Variants in FUCA1 observed in about 807,000 individuals in gnomAD.
FUCA1 encodes alpha-L-fucosidase 1, also known as tissue alpha-L-fucosidase.
FUCA1 carries 52 observed loss-of-function variants against 56.8 expected under a neutral mutation model. The observed-to-expected ratio is 0.92, with a 90% confidence interval of 0.73 to 1.15. The LOEUF (loss-of-function observed/expected upper bound fraction) is 1.15, where lower values mean the gene tolerates loss of function less well. Ranked by LOEUF, FUCA1 falls within the 50% of genes most tolerant of loss-of-function variation. FUCA1 has a pLI of 0.00. For missense variants in FUCA1, 568 were observed against 592.6 expected (o/e 0.96, Z 0.43); for synonymous variants, 230 against 226.6 (o/e 1.02, Z -0.14).
chr1:23,849,057 C>T (rs773553473), intron 5 of FUCA1, among the ~76,000 whole-genome samples: 6 of 151,836 alleles, frequency 4.0e-5, no homozygotes, highest in Admixed American at 6.6e-5. Flanking sequence ...CATCTCGGCT[C>T]ACTGCAACCT....
chr1:23,860,654 T>G (rs1220320972), intron 3 of FUCA1, among the ~76,000 whole-genome samples: 1 of 151,556 alleles, frequency 6.6e-6, no homozygotes, highest in Non-Finnish European at 1.5e-5. Context: ...TTCCTTTTTT[T>G]TTTTGAGACT....
chr1:23,858,456 T>C (rs1639438961), intron 4 of FUCA1, among the ~76,000 whole-genome samples: 1 of 152,174 alleles, frequency 6.6e-6, no homozygotes, highest in African/African-American at 2.4e-5. Flanking sequence ...ACAACAAATC[T>C]AGAACATGTA....
In FUCA1 at chr1:23,846,821, A is replaced by G. The variant is rs1235318807; in HGVS notation, c.1161-648T>C. ...GGTCTTGAACTCCTGACCTCAGGTG[A>G]TCCACCCGCCTCGGCCTCCCAAAGT... On this transcript the variant is annotated intron_variant, in intron 6 of 7. Coordinates refer to ENST00000374479, the MANE Select transcript of FUCA1 (RefSeq NM_000147.5). 2.0e-5 allele frequency among the ~76,000 whole-genome samples: 3 copies of G among 152,196 alleles called. No individual in the cohort carries two copies. The East Asian group carries it at 5.8e-4, about 29-fold the overall frequency.
Position 23,859,785 on chromosome 1 carries a change from T to C in FUCA1, c.768+13A>G, listed in dbSNP as rs1467143806. The C allele has an allele frequency of 6.5e-7, 1 of 1,539,316 alleles. No homozygotes were observed. Among genetic ancestry groups the C allele is most frequent in the Admixed American group, 1.7e-5 (1 of 59,898 alleles). On this transcript the variant is annotated intron_variant, in intron 4 of 7. Transcript: ENST00000374479. ...TTCATAGGAGATAAATAAGAAGTCA[T>C]ATAATCACATACCTTGACAGGGCTG...
Position 23,854,418 on chromosome 1 carries a change from C to T in FUCA1, c.911G>A (p.Trp304Ter). The change falls in exon 5 of 8, where the codon TGG becomes TAG. Residue 304 changes from tryptophan (W) to a stop codon, truncating the protein, a stop_gained. Coordinates refer to ENST00000374479, the MANE Select transcript of FUCA1 (RefSeq NM_000147.5). LOFTEE classifies it high-confidence loss of function. ...CAATGCCATGTCACGACGATAGCCC[C>T]AGGAAAACTTGTCAATGCTGGTGCA... ...EMCTSIDKFS[W>*]GYRRDMALSD... 1 of 1,614,106 alleles carries T rather than the reference C, an allele frequency of 6.2e-7. No individual in the cohort carries two copies. Among genetic ancestry groups the T allele is most frequent in the Non-Finnish European group, 8.5e-7 (1 of 1,180,004 alleles).
In FUCA1 at chr1:23,848,700, T is replaced by C. The variant is rs1557506020; in HGVS notation, c.1109A>G (p.Tyr370Cys). 2 of 1,614,154 alleles carry C rather than the reference T, an allele frequency of 1.2e-6. No individual in the cohort carries two copies. The highest frequency in any genetic ancestry group is 8.5e-7 in the Non-Finnish European group (1 of 1,179,976). Residue 370 changes from tyrosine to cysteine, a missense_variant, in exon 6 of 8, where the codon TAT (tyrosine) becomes TGT (cysteine). Tyr to Cys is a radical substitution (Grantham distance 194). Coordinates refer to ENST00000374479, the MANE Select transcript of FUCA1 (RefSeq NM_000147.5). The part of the protein sequence containing the change: ...KWLSINGEAI[Y>C]ASKPWRVQWE... Reference sequence around the variant, plus strand: ...TTGCACCCGCCATGGTTTGGAGGCATAGATAGCCTCCCCATTGATGCTCAG... The same window carrying C: ...TTGCACCCGCCATGGTTTGGAGGCACAGATAGCCTCCCCATTGATGCTCAG...
At chr1:23,846,231 C>A in intron 6 of FUCA1, 58 bp from the exon 7 acceptor site, 7 of 1,029,340 alleles carry the variant, frequency 6.8e-6, no homozygotes, top group Non-Finnish European at 1.1e-5. Flanking sequence ...TGATATACAA[C>A]TTTATACATT....
chr1:23,868,281 C>G lies in FUCA1; in HGVS notation c.6G>C (p.Arg2=), dbSNP rs1431712214. Residue 2 remains arginine (R), a synonymous_variant, in exon 1 of 8, where the codon CGG becomes CGC. Transcript: ENST00000374479. M[R]APGMRSRPAG... is the part of the protein sequence containing the mutation. ...CCGGCCGCGACCTCATCCCCGGAGCCCGCATCGCTACCCCTCAGCGACGCG... is the reference window on the plus strand; with the variant it reads ...CCGGCCGCGACCTCATCCCCGGAGCGCGCATCGCTACCCCTCAGCGACGCG... The G allele has an allele frequency of 3.2e-6, 5 of 1,549,352 alleles. No homozygotes were observed. Among genetic ancestry groups the G allele is most frequent in the East Asian group, 4.8e-5 (2 of 41,396 alleles).
At position 23,845,578 on chromosome 1, in the gene FUCA1, C is replaced by T; in HGVS notation, c.*137G>A. On this transcript the variant is annotated 3_prime_UTR_variant, in exon 8 of 8. Coordinates refer to ENST00000374479, the MANE Select transcript of FUCA1 (RefSeq NM_000147.5). ...AGACATCAGGGTAATGTACTCAGTT[C>T]CTTTAATTAAAATGTGTTGGAAAAG... 1 of 987,450 alleles carries T rather than the reference C, an allele frequency of 1.0e-6. No individual in the cohort carries two copies. The highest frequency in any genetic ancestry group is 2.4e-5 in the East Asian group (1 of 42,012). 61.2% of individuals were successfully genotyped at this position (987,450 alleles called of 1,614,324 possible). A position where few individuals can be genotyped will look rare whatever the true frequency, so the allele number is the denominator to read the frequency against.
chr1:23,867,965 G>C lies in FUCA1; in HGVS notation c.322C>G (p.Pro108Ala). The change falls in exon 1 of 8, where the codon CCG becomes GCG. Residue 108 changes from proline (P) to alanine (A), a missense_variant. Coordinates refer to ENST00000374479, the MANE Select transcript of FUCA1 (RefSeq NM_000147.5). The surrounding 1 kb of genome is among the most constrained non-coding windows in gnomAD (Gnocchi z 4.9). The stretch of plus-strand genomic sequence containing the variant: ...TGGAAGAAGCGCGCAGTGAACTGCG[G>C]TCCGAAGTCGGCGTAGCTGAAGCCG... ...PPGFSYADFG[P>A]QFTARFFHPE... 1 of 1,589,408 alleles carries C rather than the reference G, an allele frequency of 6.3e-7. No homozygotes were observed. Among genetic ancestry groups the C allele is most frequent in the Non-Finnish European group, 8.6e-7 (1 of 1,169,132 alleles).
At chr1:23,849,921 TGTG>T (rs1402257704) in intron 5 of FUCA1, among the ~76,000 whole-genome samples, 1 of 151,886 alleles carries the variant, frequency 6.6e-6, no homozygotes, top group African/African-American at 2.4e-5. Context: ...GGGATTTGGG[TGTG>T]TGTGTTTTTA....
rs775609474 is a variant in FUCA1 at position 23,854,439 on chromosome 1, G to C, written c.890C>G (p.Thr297Ser). 1.2e-6 allele frequency: 2 copies of C among 1,614,118 alleles called. No individual in the cohort carries two copies. Among genetic ancestry groups the C allele is most frequent in the African/African-American group, 1.3e-5 (1 of 75,032 alleles). The change falls in exon 5 of 8, where the codon ACC (threonine) becomes AGC (serine). Residue 297 changes from threonine to serine, a missense_variant. Thr to Ser is a moderately conservative substitution (Grantham distance 58, BLOSUM62 1). Transcript: ENST00000374479. ...GCCCCAGGAAAACTTGTCAATGCTG[G>C]TGCACATCTCCCACTTGTGATCTGG... is the stretch of plus-strand genomic sequence containing the variant. ...SLPDHKWEMC[T>S]SIDKFSWGYR... is the part of the protein sequence containing the mutation.
Position 23,859,907 on chromosome 1 carries a change from G to C in FUCA1, c.663-4C>G, listed in dbSNP as rs960102282. On this transcript the variant is annotated splice_region_variant and splice_polypyrimidine_tract_variant and intron_variant, in intron 3 of 7. Coordinates refer to ENST00000374479, the MANE Select transcript of FUCA1 (RefSeq NM_000147.5). Reference sequence around the variant, plus strand: ...CCAGATCAGATCAGGTTTATAGCTGGAAGACATGTGATCAGGACAGAGCTT... The same window carrying C: ...CCAGATCAGATCAGGTTTATAGCTGCAAGACATGTGATCAGGACAGAGCTT... 1 of 1,555,190 alleles carries C rather than the reference G, an allele frequency of 6.4e-7. No individual in the cohort carries two copies. Among genetic ancestry groups the C allele is most frequent in the Non-Finnish European group, 8.9e-7 (1 of 1,126,534 alleles).
rs1208481338 is a variant in FUCA1, at chr1:23,867,874, G to A, written c.389+24C>T. 3 of 1,533,988 alleles carry A rather than the reference G, an allele frequency of 2.0e-6. No homozygotes were observed. The highest frequency in any genetic ancestry group is 2.6e-6 in the Non-Finnish European group (3 of 1,141,870). The stretch of plus-strand genomic sequence containing the variant: ...TTTGCCGCCCGAGCCGGGAAGGGGC[G>A]CCGCTCCCCGGGACCACACTCACTT... On this transcript the variant is annotated intron_variant, in intron 1 of 7. Coordinates refer to ENST00000374479, the MANE Select transcript of FUCA1 (RefSeq NM_000147.5). The surrounding 1 kb of genome is among the most constrained non-coding windows in gnomAD (Gnocchi z 4.9).
chr1:23,867,750 G>T lies in FUCA1; in HGVS notation c.389+148C>A. 2 of 1,421,502 alleles carry T rather than the reference G, an allele frequency of 1.4e-6. No homozygotes were observed. Among genetic ancestry groups the T allele is most frequent in the Non-Finnish European group, 1.8e-6 (2 of 1,096,640 alleles). 88.1% of individuals were successfully genotyped at this position (1,421,502 alleles called of 1,614,324 possible). A position where few individuals can be genotyped will look rare whatever the true frequency, so the allele number is the denominator to read the frequency against. On this transcript the variant is annotated intron_variant, in intron 1 of 7. Transcript: ENST00000374479. The surrounding 1 kb of genome is among the most constrained non-coding windows in gnomAD (Gnocchi z 4.9). ...TCCTCCTCCTCATCAGGTGTGCCAG[G>T]CTCACTCCTGTGGCCGCAGGAGGCC...
rs1173777995 is a variant in FUCA1 at position 23,867,924 on chromosome 1, G to A, written c.363C>T (p.Ala121=). 1.3e-6 allele frequency: 2 copies of A among 1,555,360 alleles called. No individual in the cohort carries two copies. Among genetic ancestry groups the A allele is most frequent in the Non-Finnish European group, 1.7e-6 (2 of 1,150,066 alleles). ...TARFFHPEEW[A]DLFQAAGAKY... ...TGGCGCCCGCGGCCTGGAAGAGGTC[G>A]GCCCACTCCTCCGGGTGGAAGAAGC... is the stretch of plus-strand genomic sequence containing the variant. The change falls in exon 1 of 8, where the codon GCC becomes GCT. Residue 121 remains alanine, a synonymous_variant. Transcript: ENST00000374479. The surrounding 1 kb of genome is among the most constrained non-coding windows in gnomAD (Gnocchi z 4.9).
At position 23,863,237 on chromosome 1, in the gene FUCA1, C is replaced by A; in HGVS notation, c.559G>T (p.Glu187Ter). The change falls in exon 3 of 8, where the codon GAG becomes TAG. Residue 187 changes from glutamate to a stop codon, truncating the protein, a stop_gained. Transcript: ENST00000374479. LOFTEE classifies it high-confidence loss of function. The stretch of plus-strand genomic sequence containing the variant: ...AGTAGATAGAGTGGATGGAACCACT[C>A]TAAGAGTGAGTGGTATAGTCCATAG... ...IRYGLYHSLL[E>*]WFHPLYLLDK... is the part of the protein sequence containing the mutation. 2 of 1,613,680 alleles carry A rather than the reference C, an allele frequency of 1.2e-6. No individual in the cohort carries two copies. The highest frequency in any genetic ancestry group is 2.7e-5 in the African/African-American group (2 of 75,024).
At chr1:23,859,385 G>A (rs1639459736) in intron 4 of FUCA1, among the ~76,000 whole-genome samples, 1 of 152,008 alleles carries the variant, frequency 6.6e-6, no homozygotes, top group Admixed American at 6.6e-5. Context: ...TGCCCAACAT[G>A]GCGAAACCCT....
intron 5 of FUCA1, among the ~76,000 whole-genome samples, chr1:23,854,158 C>A (rs1178695986): frequency 1.3e-5 from 2 of 151,920 alleles, no homozygotes; most frequent in African/African-American, 2.4e-5. Context: ...ACCGTTAAAG[C>A]CCTTTTGCAT....
Sources: allele counts gnomAD v4.1 joint callset (sites outside exome capture counted in the v4.1 genomes callset), GRCh38; gene constraint gnomAD v4.1.1; non-coding constraint Gnocchi (gnomAD v3.1); transcripts MANE v1.5; gene names NCBI Gene and HGNC (gene_info 2026-07-23, HGNC 2026-07-21).